RPTOR: variants seen among roughly 807,000 people sequenced by gnomAD.
RPTOR encodes regulatory-associated protein of mTOR.
A neutral mutation model predicts 169.9 loss-of-function variants in RPTOR; 21 were observed. The observed-to-expected ratio is 0.12, with a 90% confidence interval of 0.09 to 0.18. The LOEUF (loss-of-function observed/expected upper bound fraction) is 0.18, where lower values mean the gene tolerates loss of function less well. RPTOR is among the 10% of genes least tolerant of loss of function. The probability of loss-of-function intolerance (pLI) is 1.00; values close to 1 mark genes in which losing one functional copy is unlikely to be tolerated. For synonymous variants in RPTOR, 732 were observed against 753.2 expected (o/e 0.97, Z 0.46); for missense variants, 1,133 against 1,855.9 (o/e 0.61, Z 7.16).
intron 2 of RPTOR, among the ~76,000 whole-genome samples, chr17:80,632,213 T>G (rs1421697905): frequency 1.3e-5 from 2 of 152,210 alleles, no homozygotes; most frequent in Non-Finnish European, 2.9e-5. Context: ...CTCTTTCCAC[T>G]TCATCCGTCC....
chr17:80,727,637 G>T (rs778408051), intron 4 of RPTOR, among the ~76,000 whole-genome samples: 5 of 152,222 alleles, frequency 3.3e-5, no homozygotes, highest in Non-Finnish European at 5.9e-5. Context: ...GAATTTGGCT[G>T]CAGGACAGAC....
At chr17:80,685,643 T>TTTA (rs1555607059) in intron 3 of RPTOR, among the ~76,000 whole-genome samples, 24 of 94,566 alleles carry the variant, frequency 2.5e-4, no homozygotes, top group South Asian at 2.2e-3. Context: ...TTTTTTTTTT[T>TTTA]TTTTTTTTTT....
At chr17:80,935,745 C>A (rs1323677433) in intron 24 of RPTOR, among the ~76,000 whole-genome samples, 1 of 151,546 alleles carries the variant, frequency 6.6e-6, no homozygotes, top group East Asian at 1.9e-4. Context: ...AAGTGTGAAA[C>A]CTAAAACTAT....
At chr17:80,566,324 G>A (rs1014176851) in intron 1 of RPTOR, among the ~76,000 whole-genome samples, 6 of 152,196 alleles carry the variant, frequency 3.9e-5, no homozygotes, top group Non-Finnish European at 7.3e-5. Context: ...AACTCTGTGT[G>A]TGCTGTTATG....
chr17:80,710,571 A>ATGTGTG (rs59732457), intron 4 of RPTOR, among the ~76,000 whole-genome samples: 1,784 of 145,058 alleles, frequency 0.012, 23 homozygotes, highest in East Asian at 0.05. Context: ...GGTTATTTGT[A>ATGTGTG]TGTGTGTGTG....
chr17:80,837,990 C>T lies in RPTOR; in HGVS notation c.1205C>T (p.Ala402Val), dbSNP rs780423020. ...QLPTIIEEGTAFRHSPFFAEQ... is the reference protein window; with the variant it reads ...QLPTIIEEGTVFRHSPFFAEQ... ...CCGACGATCATCGAGGAAGGCACTG[C>T]GTTTCGGGTGAGTCCCTCCAAGGGC... Residue 402 changes from alanine (A) to valine (V), a missense_variant, in exon 10 of 34, where the codon GCG (alanine) becomes GTG (valine). Transcript: ENST00000306801. 7 of 1,609,242 alleles carry T rather than the reference C, an allele frequency of 4.3e-6. No homozygotes were observed. The South Asian group carries it at 4.4e-5, about 10-fold the overall frequency.
intron 1 of RPTOR, among the ~76,000 whole-genome samples, chr17:80,604,600 A>G (rs2065214772): frequency 6.6e-6 from 1 of 152,184 alleles, no homozygotes; most frequent in African/African-American, 2.4e-5. Context: ...ATAAAGACAT[A>G]CCAGAGACAG....
intron 1 of RPTOR, among the ~76,000 whole-genome samples, chr17:80,553,582 G>A (rs978059034): frequency 3.3e-5 from 5 of 152,150 alleles, no homozygotes; most frequent in African/African-American, 7.2e-5. Flanking sequence ...AGAATGAAAT[G>A]TGCCCACATT....
At chr17:80,761,575 G>A (rs1223175489) in intron 6 of RPTOR, among the ~76,000 whole-genome samples, 1 of 152,162 alleles carries the variant, frequency 6.6e-6, no homozygotes, top group African/African-American at 2.4e-5. Flanking sequence ...TCTCATTTCA[G>A]ACATTTGCTG....
At chr17:80,756,219 C>A (rs1371413944) in intron 6 of RPTOR, among the ~76,000 whole-genome samples, 3 of 152,142 alleles carry the variant, frequency 2.0e-5, no homozygotes, top group African/African-American at 7.2e-5. Context: ...AAAAGCAAGC[C>A]CAGCCCCTTG....
chr17:80,941,774 C>A (rs1231264246), intron 25 of RPTOR: 1 of 152,314 alleles, frequency 6.6e-6, no homozygotes, highest in African/African-American at 2.4e-5. Flanking sequence ...GAGGGCCCTG[C>A]CCGCAGGCAG....
chr17:80,794,543 C>T lies in RPTOR; in HGVS notation c.890+3034C>T, dbSNP rs551542469. The stretch of plus-strand genomic sequence containing the variant: ...GTCCATAAACCTGCCAACATGTCCC[C>T]GCATTCCTACTCCTGGATATGTACC... On this transcript the variant is annotated intron_variant, in intron 7 of 33. Coordinates refer to ENST00000306801, the MANE Select transcript of RPTOR (RefSeq NM_020761.3). Among the ~76,000 whole-genome samples, 29 of 152,314 alleles carry T rather than the reference C, an allele frequency of 1.9e-4. 1 individual carries two copies. In the South Asian group the frequency reaches 5.2e-3, roughly 27 times the overall value.
chr17:80,689,933 C>G (rs1445607468), intron 3 of RPTOR, among the ~76,000 whole-genome samples: 1 of 152,088 alleles, frequency 6.6e-6, no homozygotes, highest in African/African-American at 2.4e-5. Flanking sequence ...CTGGCTGCAC[C>G]TTGGAGAAAC....
chr17:80,903,470 C>T (rs1165742034), intron 20 of RPTOR, among the ~76,000 whole-genome samples: 3 of 152,232 alleles, frequency 2.0e-5, no homozygotes, highest in Non-Finnish European at 2.9e-5. Context: ...GCCTCTCAGC[C>T]GCACACATTG....
chr17:80,634,375 TGTGTGCATACTGTGTGC>T (rs2065474429), intron 2 of RPTOR, among the ~76,000 whole-genome samples: 1 of 83,304 alleles, frequency 1.2e-5, no homozygotes, highest in South Asian at 3.5e-4. Context: ...GCATACTGTG[TGTGTGCATACTGTGTGC>T]GTGTGCATAC....
At chr17:80,755,951 A>G (rs1338972551) in intron 6 of RPTOR, among the ~76,000 whole-genome samples, 1 of 152,196 alleles carries the variant, frequency 6.6e-6, no homozygotes, top group East Asian at 1.9e-4. Flanking sequence ...CACAGCCACT[A>G]CGCAGAGAGA....
At chr17:80,810,496 A>G (rs772076116) in intron 7 of RPTOR, among the ~76,000 whole-genome samples, 15 of 152,172 alleles carry the variant, frequency 9.9e-5, no homozygotes, top group Non-Finnish European at 1.5e-4. Context: ...CTGTGTGTCT[A>G]TCTTTATTGG....
chr17:80,883,104 G>A (rs376201306), intron 14 of RPTOR, among the ~76,000 whole-genome samples: 5 of 152,304 alleles, frequency 3.3e-5, no homozygotes, highest in African/African-American at 7.2e-5. Flanking sequence ...GGTGAGGTCC[G>A]GGTGCTTCAT....
At chr17:80,870,813 G>A (rs1013346603) in intron 13 of RPTOR, among the ~76,000 whole-genome samples, 2 of 152,210 alleles carry the variant, frequency 1.3e-5, no homozygotes, top group Non-Finnish European at 1.5e-5. Flanking sequence ...GAGTTCTCAT[G>A]TACCCTACAC....
Sources: allele counts gnomAD v4.1 joint callset (sites outside exome capture counted in the v4.1 genomes callset), GRCh38; gene constraint gnomAD v4.1.1; transcripts MANE v1.5; gene names NCBI Gene and HGNC (gene_info 2026-07-23, HGNC 2026-07-21).